Variants in PTGR3 observed in about 807,000 individuals in gnomAD.
PTGR3 encodes prostaglandin reductase 3.
chr18:75,204,174 C>T, the PTGR3 span, among the ~76,000 whole-genome samples: 1 of 152,256 alleles, frequency 6.6e-6, no homozygotes, highest in East Asian at 1.9e-4. Context: ...GACACCCGGG[C>T]GGCCAGCCCC....
the PTGR3 span, among the ~76,000 whole-genome samples, chr18:75,203,142 T>G: frequency 6.6e-6 from 1 of 152,188 alleles, no homozygotes; most frequent in African/African-American, 2.4e-5. Context: ...AGACATAACT[T>G]GATTAATACC....
the PTGR3 span, chr18:75,205,168 G>A: frequency 3.0e-6 from 3 of 985,492 alleles, no homozygotes; most frequent in Non-Finnish European, 3.6e-6. Context: ...ACCCTCCACA[G>A]CCCGGGACCC....
chr18:75,203,671 T>C, the PTGR3 span, among the ~76,000 whole-genome samples: 3 of 152,182 alleles, frequency 2.0e-5, no homozygotes, highest in African/African-American at 7.2e-5. Context: ...CCGTGGAAGA[T>C]ACACAATCAT....
the PTGR3 span, among the ~76,000 whole-genome samples, chr18:75,207,047 GA>G: frequency 6.9e-3 from 1,051 of 151,972 alleles, 12 homozygotes; most frequent in African/African-American, 0.023. Flanking sequence ...ATCACAGGAG[GA>G]AAAAAAACCC....
chr18:75,205,917 T>C, the PTGR3 span, among the ~76,000 whole-genome samples: 1 of 152,240 alleles, frequency 6.6e-6, no homozygotes, highest in African/African-American at 2.4e-5. Context: ...CACCGTCCCT[T>C]AGCCATTCCT....
At chr18:75,198,808 T>TA in the PTGR3 span, 1 of 152,310 alleles carries the variant, frequency 6.6e-6, no homozygotes, top group Non-Finnish European at 1.5e-5. Context: ...GCCCCTTCTC[T>TA]AAAAAGACTG....
At chr18:75,196,727 C>T in the PTGR3 span, 2 of 151,642 alleles carry the variant, frequency 1.3e-5, no homozygotes, top group Non-Finnish European at 2.9e-5. Flanking sequence ...CTGTGCTCCC[C>T]GGGATACTTA....
At chr18:75,208,756 G>T in the PTGR3 span, 1 of 1,178,680 alleles carries the variant, frequency 8.5e-7, no homozygotes, top group Non-Finnish European at 1.1e-6. Context: ...CGGAGTGTGG[G>T]CACGCGGGCG....
chr18:75,205,750 A>G, the PTGR3 span, among the ~76,000 whole-genome samples: 1 of 144,230 alleles, frequency 6.9e-6, no homozygotes, highest in East Asian at 2.0e-4. Context: ...AAGAAAAGAA[A>G]AAGAAAGAAA....
chr18:75,199,974 G>T, the PTGR3 span: 6 of 152,618 alleles, frequency 3.9e-5, no homozygotes, highest in African/African-American at 1.4e-4. Flanking sequence ...TTGTAAAATA[G>T]ATACTAACAG....
chr18:75,202,553 AT>A, the PTGR3 span, among the ~76,000 whole-genome samples: 1 of 150,968 alleles, frequency 6.6e-6, no homozygotes, highest in East Asian at 1.9e-4. Context: ...TTTTTGGCAT[AT>A]TTTTTCCTTT....
the PTGR3 span, chr18:75,208,411 C>T: frequency 1.0e-6 from 1 of 990,098 alleles, no homozygotes; most frequent in Non-Finnish European, 1.2e-6. Context: ...TCCTCCGAAG[C>T]ACGTTTACCT....
At chr18:75,204,317 C>T in the PTGR3 span, among the ~76,000 whole-genome samples, 3 of 152,362 alleles carry the variant, frequency 2.0e-5, no homozygotes, top group Non-Finnish European at 2.9e-5. Context: ...AGAGATGGAG[C>T]AGGACGCACA....
At chr18:75,195,943 T>C in the PTGR3 span, 1 of 152,170 alleles carries the variant, frequency 6.6e-6, no homozygotes, top group Non-Finnish European at 1.5e-5. Context: ...TTGAGTCTTC[T>C]CATTCACAAG....
chr18:75,206,265 C>A, the PTGR3 span, among the ~76,000 whole-genome samples: 9 of 152,174 alleles, frequency 5.9e-5, no homozygotes, highest in Non-Finnish European at 1.3e-4. Context: ...GCACATCCCT[C>A]CCTGTGAATG....
At chr18:75,202,035 T>TCA in the PTGR3 span, 1 of 1,614,026 alleles carries the variant, frequency 6.2e-7, no homozygotes, top group African/African-American at 1.3e-5. Context: ...TTTTTTCCCT[T>TCA]CCGACAGTCC....
chr18:75,207,581 A>G, the PTGR3 span, among the ~76,000 whole-genome samples: 1 of 151,038 alleles, frequency 6.6e-6, no homozygotes, highest in South Asian at 2.1e-4. Flanking sequence ...ATCCCTACAC[A>G]CTCCCCTTTA....
the PTGR3 span, chr18:75,198,775 C>T: frequency 1.3e-5 from 2 of 152,234 alleles, no homozygotes; most frequent in African/African-American, 4.8e-5. Context: ...AAATAATTTA[C>T]TCACTGGGAT....
chr18:75,207,476 T>G, the PTGR3 span, among the ~76,000 whole-genome samples: 1 of 152,204 alleles, frequency 6.6e-6, no homozygotes, highest in Non-Finnish European at 1.5e-5. Flanking sequence ...TTAGCTGGGC[T>G]GGGTGCACGC....
Sources: allele counts gnomAD v4.1 joint callset (sites outside exome capture counted in the v4.1 genomes callset), GRCh38; gene constraint gnomAD v4.1.1; transcripts MANE v1.5; gene names NCBI Gene and HGNC (gene_info 2026-07-23, HGNC 2026-07-21).